The following RAPGEF6 variants were observed in gnomAD, a reference collection of about 807,000 sequenced individuals.
RAPGEF6 encodes PDZ domain containing guanine nucleotide exchange factor (GEF) 2.
RAPGEF6 carries 56 observed loss-of-function variants against 171.4 expected under a neutral mutation model. The observed-to-expected ratio is 0.33, with a 90% CI of 0.26 to 0.41. The LOEUF is 0.41. RAPGEF6 is among the 10% of genes least tolerant of loss of function. The pLI, the probability that RAPGEF6 is intolerant of heterozygous loss-of-function variation, is 1.00. For missense variants in RAPGEF6, 1,674 were observed against 1,921.4 expected (o/e 0.87, Z 2.41); for synonymous variants, 692 against 650.1 (o/e 1.06, Z -0.98).
rs557979989 is a variant in RAPGEF6, at chr5:131,496,897, A to G, written c.1420-1237T>C. 6.1e-5 allele frequency among the ~76,000 whole-genome samples: 9 copies of G among 147,626 alleles called. 1 individual carries two copies. In the South Asian group the frequency reaches 2.0e-3, roughly 34 times the overall value. On this transcript the variant is annotated intron_variant, in intron 12 of 27. Transcript: ENST00000509018. ...AATTGCTGGGCTATATGGTAACCCT[A>G]TGTTTAACTTTTTGAAGAACTGCTC...
intron 11 of RAPGEF6, among the ~76,000 whole-genome samples, chr5:131,499,846 C>T (rs1264473979): frequency 2.2e-4 from 33 of 152,070 alleles, no homozygotes; most frequent in Non-Finnish European, 5.9e-5. Flanking sequence ...TGTTCTTTAT[C>T]TAAGAATCTA....
At chr5:131,617,899 TATTG>T (rs1765369142) in intron 1 of RAPGEF6, among the ~76,000 whole-genome samples, 1 of 152,180 alleles carries the variant, frequency 6.6e-6, no homozygotes, top group African/African-American at 2.4e-5. Context: ...ACATAGAACT[TATTG>T]ATTTTCTCAT....
At chr5:131,503,196 A>C (rs1311729678) in intron 11 of RAPGEF6, among the ~76,000 whole-genome samples, 1 of 152,192 alleles carries the variant, frequency 6.6e-6, no homozygotes, top group Non-Finnish European at 1.5e-5. Flanking sequence ...GGAAATACAC[A>C]ATAAGATATT....
In RAPGEF6 at chr5:131,495,536, A is replaced by G. The variant is rs576410477; in HGVS notation, c.1527+17T>C. On this transcript the variant is annotated intron_variant, in intron 13 of 27. Coordinates refer to ENST00000509018, the MANE Select transcript of RAPGEF6 (RefSeq NM_016340.6). The stretch of plus-strand genomic sequence containing the variant: ...GACCACTACACTCTGAAGAATAGAA[A>G]TTATTTTGAGCCTTACTGTATCTTC... 1 of 1,603,512 alleles carries G rather than the reference A, an allele frequency of 6.2e-7. No homozygotes were observed. Among genetic ancestry groups the G allele is most frequent in the East Asian group, 2.2e-5 (1 of 44,772 alleles).
At chr5:131,465,619 A>G (rs1397867194) in intron 17 of RAPGEF6, among the ~76,000 whole-genome samples, 1 of 151,930 alleles carries the variant, frequency 6.6e-6, no homozygotes, top group Non-Finnish European at 1.5e-5. Context: ...CATCTCTACA[A>G]AAAATTTTTA....
chr5:131,511,879 T>C (rs556390017), intron 7 of RAPGEF6, among the ~76,000 whole-genome samples: 35 of 152,336 alleles, frequency 2.3e-4, no homozygotes, highest in African/African-American at 8.2e-4. Flanking sequence ...CCCTGTTCCC[T>C]AGCTATGTAA....
intron 1 of RAPGEF6, among the ~76,000 whole-genome samples, chr5:131,629,850 T>A (rs1246552309): frequency 2.6e-5 from 4 of 151,878 alleles, no homozygotes; most frequent in Non-Finnish European, 5.9e-5. Context: ...TGATAAAACT[T>A]GAGTAGATGA....
In RAPGEF6 at chr5:131,588,942, T is replaced by C. The variant is rs567188352; in HGVS notation, c.281+3441A>G. 2.1e-3 allele frequency among the ~76,000 whole-genome samples: 322 copies of C among 151,862 alleles called. 2 individuals carry two copies. Among genetic ancestry groups the C allele is most frequent in the African/African-American group, 7.6e-3 (313 of 41,378 alleles). On this transcript the variant is annotated intron_variant, in intron 4 of 27. Transcript: ENST00000509018. ...AAAATTAGCCGGGCATGGTGGTGCA[T>C]GCCTGTAATCCCAGCTACTTGGGAG...
intron 6 of RAPGEF6, among the ~76,000 whole-genome samples, chr5:131,540,150 C>A (rs1421655426): frequency 6.6e-6 from 1 of 152,110 alleles, no homozygotes; most frequent in Non-Finnish European, 1.5e-5. Context: ...TAAAAAGCAT[C>A]CTAAGCAACA....
intron 19 of RAPGEF6, among the ~76,000 whole-genome samples, chr5:131,460,621 A>C (rs1169634701): frequency 6.6e-6 from 1 of 152,182 alleles, no homozygotes; most frequent in Non-Finnish European, 1.5e-5. Context: ...TTTACAGATA[A>C]GAAAACCTAT....
intron 24 of RAPGEF6, among the ~76,000 whole-genome samples, chr5:131,434,101 T>A (rs1166536310): frequency 6.6e-6 from 1 of 152,186 alleles, no homozygotes; most frequent in Non-Finnish European, 1.5e-5. Flanking sequence ...CCAAATACCA[T>A]CTTGAAGTAA....
At chr5:131,595,705 G>A (rs1763854168) in intron 3 of RAPGEF6, among the ~76,000 whole-genome samples, 1 of 151,820 alleles carries the variant, frequency 6.6e-6, no homozygotes, top group Non-Finnish European at 1.5e-5. Context: ...TAACACAAAG[G>A]CAGGAATAAA....
intron 4 of RAPGEF6, among the ~76,000 whole-genome samples, chr5:131,581,485 C>T (rs1365598882): frequency 6.6e-6 from 1 of 152,076 alleles, no homozygotes; most frequent in East Asian, 1.9e-4. Flanking sequence ...TCACTCTACA[C>T]AACAAATGCT....
chr5:131,512,265 C>A (rs1434609723), intron 7 of RAPGEF6, among the ~76,000 whole-genome samples: 1 of 152,112 alleles, frequency 6.6e-6, no homozygotes, highest in Non-Finnish European at 1.5e-5. Flanking sequence ...CAGAAACAGG[C>A]AGACGGGGCA....
At chr5:131,574,377 T>C (rs2149983217) in intron 4 of RAPGEF6, among the ~76,000 whole-genome samples, 1 of 152,308 alleles carries the variant, frequency 6.6e-6, no homozygotes, top group South Asian at 2.1e-4. Context: ...TGGACCATCA[T>C]GGATGCCGAG....
intron 27 of RAPGEF6, among the ~76,000 whole-genome samples, chr5:131,428,101 T>A (rs76170176): frequency 0.055 from 8,334 of 151,522 alleles, 795 homozygotes; most frequent in African/African-American, 0.19. Flanking sequence ...AGACCTTGTC[T>A]CAACAAACAA....
At chr5:131,504,819 T>C (rs150638691) in intron 10 of RAPGEF6, 41 bp from the exon 11 acceptor site, 2 of 1,549,954 alleles carry the variant, frequency 1.3e-6, no homozygotes, top group Non-Finnish European at 1.7e-6. Flanking sequence ...GAACCTATAG[T>C]ACATAAATAT....
At chr5:131,589,420 T>G (rs114098552) in intron 4 of RAPGEF6, among the ~76,000 whole-genome samples, 1,602 of 152,310 alleles carry the variant, frequency 0.011, 19 homozygotes, top group African/African-American at 0.036. Flanking sequence ...TAGCAATGAT[T>G]GTTGTTGTGT....
chr5:131,539,008 A>G (rs1759960176), intron 6 of RAPGEF6, among the ~76,000 whole-genome samples: 1 of 152,206 alleles, frequency 6.6e-6, no homozygotes, highest in African/African-American at 2.4e-5. Flanking sequence ...TTTAAGGTAG[A>G]AAGAATCACA....
Sources: gnomAD v4.1 joint callset for allele counts (sites outside exome capture counted in the v4.1 genomes callset) on GRCh38, gnomAD v4.1.1 for gene constraint, MANE v1.5 for transcripts, NCBI Gene and HGNC (gene_info 2026-07-23, HGNC 2026-07-21) for gene names.